USP53: variants seen among roughly 807,000 people sequenced by gnomAD.
The protein encoded by USP53 is ubiquitin specific peptidase 53.
USP53 carries 71 observed loss-of-function variants against 94.9 expected under a neutral mutation model. That is an observed-to-expected ratio of 0.75 (90% CI 0.62 to 0.91). The LOEUF is 0.91. USP53 is among the 40% of genes least tolerant of loss of function. The probability of loss-of-function intolerance (pLI) is 0.00; values close to 1 mark genes in which losing one functional copy is unlikely to be tolerated. For missense variants in USP53, 1,173 were observed against 1,281.0 expected, an observed-to-expected ratio of 0.92 and a Z score of 1.29; for synonymous variants, 375 against 422.7, an observed-to-expected ratio of 0.89 and a Z score of 1.39.
In USP53 at chr4:119,292,875, T is replaced by G. The variant is rs3749591; in HGVS notation, c.2886T>G (p.Ser962Arg). Reference sequence around the variant, plus strand: ...CTACCTCTCATCTTCCGAAGCACAGTTTAAGTACAGCTTCAGAACCAAGTT... The same window carrying G: ...CTACCTCTCATCTTCCGAAGCACAGGTTAAGTACAGCTTCAGAACCAAGTT... ...FKATSHLPKH[S>R]LSTASEPSLE... The change falls in exon 19 of 19, where the codon AGT becomes AGG. Residue 962 changes from serine to arginine, a missense_variant. Ser to Arg is a moderately radical substitution (Grantham distance 110, BLOSUM62 -1). Coordinates refer to ENST00000692078, the MANE Select transcript of USP53 (RefSeq NM_001371395.1). 488,865 of 1,613,810 alleles carry G rather than the reference T, an allele frequency of 0.3. 76,732 individuals carry two copies. The highest frequency in any genetic ancestry group is 0.37 in the East Asian group (16,479 of 44,866).
chr4:119,233,336 C>T (rs988298032), intron 3 of USP53, among the ~76,000 whole-genome samples: 1 of 152,034 alleles, frequency 6.6e-6, no homozygotes, highest in Non-Finnish European at 1.5e-5. Flanking sequence ...TCTTACTTCT[C>T]TTTTTTCCTA....
chr4:119,218,258 G>A (rs564411931), intron 3 of USP53: 6 of 152,180 alleles, frequency 3.9e-5, no homozygotes, highest in Non-Finnish European at 7.3e-5. Flanking sequence ...TTCAGTCTGG[G>A]GCTTTGTCAA....
chr4:119,268,085 T>C (rs1279244971), intron 13 of USP53, among the ~76,000 whole-genome samples, 183 bp from the exon 14 acceptor site: 1 of 147,178 alleles, frequency 6.8e-6, no homozygotes, highest in Non-Finnish European at 1.5e-5. Context: ...CAGAATGGCG[T>C]GAACCCGGGA....
Position 119,271,295 on chromosome 4 carries a change from G to T in USP53, c.1436-1G>T. On this transcript the variant is annotated splice_acceptor_variant, in intron 15 of 18. Transcript: ENST00000692078. LOFTEE classifies it high-confidence loss of function. ...GTGTATCTTTAATTTTTTTTTTTAAGATTTGGTTGATGAAGACCTTTCACA... is the reference window on the plus strand; with the variant it reads ...GTGTATCTTTAATTTTTTTTTTTAATATTTGGTTGATGAAGACCTTTCACA... 2.0e-6 allele frequency: 3 copies of T among 1,530,444 alleles called. No individual in the cohort carries two copies. Among genetic ancestry groups the T allele is most frequent in the Admixed American group, 2.3e-5 (1 of 43,600 alleles). The allele number at this position is 1,530,444 out of a possible 1,614,324, so 94.8% of individuals were successfully genotyped here.
rs1561174488 is a variant in USP53, at chr4:119,217,610, A to T, written c.-728A>T. On this transcript the variant is annotated 5_prime_UTR_variant, in exon 3 of 19. Transcript: ENST00000692078. ...GGAGAAGAGACAATAAAGAATAAGC[A>T]GTCAATTCTATAATATATTTAGAAG... is the stretch of plus-strand genomic sequence containing the variant. The T allele has an allele frequency of 6.6e-6, 1 of 152,276 alleles. No homozygotes were observed. The highest frequency in any genetic ancestry group is 2.4e-5 in the African/African-American group (1 of 41,470). The allele number at this position is 152,276 out of a possible 1,614,324, so 9.4% of individuals were successfully genotyped here. A position where few individuals can be genotyped will look rare whatever the true frequency, so the allele number is the denominator to read the frequency against.
chr4:119,292,304 G>T, intron 18 of USP53, 34 bp from the exon 19 acceptor site: 2 of 1,525,788 alleles, frequency 1.3e-6, no homozygotes, highest in Non-Finnish European at 1.8e-6. Flanking sequence ...TTTGCATAGG[G>T]TGTTCTAGCT....
chr4:119,227,751 C>T (rs1290457595), intron 3 of USP53, among the ~76,000 whole-genome samples: 2 of 152,184 alleles, frequency 1.3e-5, no homozygotes, highest in Admixed American at 1.3e-4. Flanking sequence ...TAGGTATTTA[C>T]AAGAGAAATG....
intron 5 of USP53, among the ~76,000 whole-genome samples, chr4:119,240,208 C>A (rs550787036): frequency 5.9e-4 from 90 of 152,124 alleles, no homozygotes; most frequent in Non-Finnish European, 7.9e-4. Flanking sequence ...TCAGCTAACA[C>A]CCCTCCCTTT....
chr4:119,246,736 A>G (rs1748295602), intron 6 of USP53, among the ~76,000 whole-genome samples: 1 of 152,160 alleles, frequency 6.6e-6, no homozygotes, highest in Non-Finnish European at 1.5e-5. Context: ...ACCAGATATA[A>G]TATTTGAACT....
Position 119,259,830 on chromosome 4 carries a change from G to A in USP53, c.580G>A (p.Glu194Lys). 6.2e-7 allele frequency: 1 copy of A among 1,609,458 alleles called. No individual in the cohort carries two copies. Among genetic ancestry groups the A allele is most frequent in the South Asian group, 1.1e-5 (1 of 90,080 alleles). The part of the protein sequence containing the change: ...ISTTALCNEV[E>K]RMLERHERFK... ...CTTCTTTTTTTGTAGCAATGAGGTT[G>A]AAAGAATGTTGGAAAGGCATGAACG... Residue 194 changes from glutamate (E) to lysine (K), a missense_variant, in exon 10 of 19, where the codon GAA (glutamate) becomes AAA (lysine). Physicochemically the swap from Glu to Lys is moderately conservative, Grantham distance 56. Transcript: ENST00000692078.
chr4:119,228,809 A>G (rs1745664649), intron 3 of USP53, among the ~76,000 whole-genome samples: 1 of 152,248 alleles, frequency 6.6e-6, no homozygotes, highest in Non-Finnish European at 1.5e-5. Context: ...GTACGTAGGA[A>G]AATTAGCTGT....
intron 16 of USP53, chr4:119,272,270 C>T: frequency 2.9e-6 from 1 of 347,552 alleles, no homozygotes. Flanking sequence ...TTCCTGATTC[C>T]AAAAATAGCA....
intron 3 of USP53, among the ~76,000 whole-genome samples, chr4:119,224,154 C>CTGT (rs1744931624): frequency 6.6e-6 from 1 of 152,148 alleles, no homozygotes; most frequent in Admixed American, 6.6e-5. Flanking sequence ...CGTGTGCCAC[C>CTGT]ACACCCGGCT....
intron 5 of USP53, among the ~76,000 whole-genome samples, chr4:119,243,309 C>T (rs896384576): frequency 5.3e-5 from 8 of 151,908 alleles, no homozygotes; most frequent in African/African-American, 1.2e-4. Context: ...ACCAGCTTAG[C>T]GAACATGGTG....
chr4:119,285,556 T>C (rs891653351), intron 17 of USP53, among the ~76,000 whole-genome samples: 1 of 151,858 alleles, frequency 6.6e-6, no homozygotes, highest in African/African-American at 2.4e-5. Flanking sequence ...GTCCCTTATT[T>C]CTTCTTGTAC....
rs137978098 is a variant in USP53, at chr4:119,254,654, G to A, written c.373-1592G>A. Among the ~76,000 whole-genome samples, 849 of 152,222 alleles carry A rather than the reference G, an allele frequency of 5.6e-3. 4 individuals are homozygous for A. The highest frequency in any genetic ancestry group is 9.7e-3 in the Admixed American group (149 of 15,296). ...TTTTCAAGGTTTTTAGCTCCCTTGC[G>A]ATGGGTTAGAACATGCTCCTTTAGC... On this transcript the variant is annotated intron_variant, in intron 7 of 18. Transcript: ENST00000692078.
intron 6 of USP53, among the ~76,000 whole-genome samples, chr4:119,245,918 T>TA (rs745412831): frequency 9.2e-5 from 14 of 152,312 alleles, no homozygotes; most frequent in Non-Finnish European, 1.6e-4. Flanking sequence ...GAGTGTTGTA[T>TA]AGGCAGGAAA....
At chr4:119,271,070 C>T (rs1367688938) in intron 15 of USP53, among the ~76,000 whole-genome samples, 1 of 152,120 alleles carries the variant, frequency 6.6e-6, no homozygotes, top group Non-Finnish European at 1.5e-5. Context: ...CAATTATGAT[C>T]TACCTTAGAG....
At chr4:119,268,137 G>A (rs561943889) in intron 13 of USP53, 131 bp from the exon 14 acceptor site, 142 of 871,852 alleles carry the variant, frequency 1.6e-4, no homozygotes, top group Non-Finnish European at 2.1e-4. Flanking sequence ...ACTGCAGTCC[G>A]CAGTCCGGCC....
Sources: allele counts gnomAD v4.1 joint callset (sites outside exome capture counted in the v4.1 genomes callset), GRCh38; gene constraint gnomAD v4.1.1; transcripts MANE v1.5; gene names NCBI Gene and HGNC (gene_info 2026-07-23, HGNC 2026-07-21).